The following RGS7 variants were observed in gnomAD, a reference collection of about 807,000 sequenced individuals.
The protein encoded by RGS7 is regulator of G-protein signaling 7.
Under a neutral mutation model 81.1 loss-of-function variants are expected in RGS7, and 27 were observed. The ratio of observed to expected loss-of-function variants is 0.33; its 90% CI spans 0.25 to 0.46. The LOEUF is 0.46. Among genes scored for constraint, RGS7 ranks in the 20% least tolerant of loss-of-function variants. RGS7 has a pLI of 1.00. For missense variants in RGS7, 396 were observed against 607.4 expected (o/e 0.65, Z 3.66); for synonymous variants, 208 against 207.7 (o/e 1.00, Z -0.01).
chr1:241,295,128 T>A (rs2079326292), intron 2 of RGS7, among the ~76,000 whole-genome samples: 1 of 152,202 alleles, frequency 6.6e-6, no homozygotes, highest in Non-Finnish European at 1.5e-5. Context: ...TTTCATAATT[T>A]AAAACTTGTA....
chr1:241,261,368 A>T (rs2077324052), intron 2 of RGS7, among the ~76,000 whole-genome samples: 1 of 151,992 alleles, frequency 6.6e-6, no homozygotes, highest in African/African-American at 2.4e-5. Context: ...AAATGAGGGC[A>T]ATGACACTTT....
intron 2 of RGS7, among the ~76,000 whole-genome samples, chr1:241,294,424 A>T (rs2079272169): frequency 6.6e-6 from 1 of 152,246 alleles, no homozygotes; most frequent in Non-Finnish European, 1.5e-5. Flanking sequence ...TGTATCCCAG[A>T]ACTTAAAGTA....
intron 2 of RGS7, among the ~76,000 whole-genome samples, chr1:241,229,190 T>C (rs1169525523): frequency 6.6e-6 from 1 of 152,178 alleles, no homozygotes; most frequent in Non-Finnish European, 1.5e-5. Flanking sequence ...TCATTCCAAC[T>C]TTCTGATAAA....
intron 2 of RGS7, among the ~76,000 whole-genome samples, chr1:241,178,638 T>C (rs75819387): frequency 6.6e-6 from 1 of 152,052 alleles, no homozygotes; most frequent in African/African-American, 2.4e-5. Context: ...ATAGAGAGAG[T>C]GATTAAAGCC....
At position 241,221,092 on chromosome 1, in the gene RGS7, A is replaced by AAAGG. The variant is rs141939771; in HGVS notation, c.79-122334_79-122331dup. 3.7e-3 allele frequency among the ~76,000 whole-genome samples: 510 copies of AAAGG among 138,570 alleles called. 2 individuals carry two copies. Among genetic ancestry groups the AAAGG allele is most frequent in the African/African-American group, 9.6e-3 (356 of 37,206 alleles). The allele number at this position is 138,570 out of a possible 152,430, so 90.9% of individuals were successfully genotyped here. A position where few individuals can be genotyped will look rare whatever the true frequency, so the allele number is the denominator to read the frequency against. On this transcript the variant is annotated intron_variant, in intron 2 of 18. Transcript: ENST00000440928. Reference sequence around the variant, plus strand: ...GAGAGAAAGGAAGGAAGGAAGGAAGAAAGGAAGGAAGGAAGGAAGGAAGGG... The same window carrying AAAGG: ...GAGAGAAAGGAAGGAAGGAAGGAAGAAAGGAAGGAAGGAAGGAAGGAAGGAAGGG...
intron 4 of RGS7, among the ~76,000 whole-genome samples, chr1:240,982,390 C>T (rs577642836): frequency 1.6e-4 from 23 of 143,272 alleles, no homozygotes; most frequent in African/African-American, 4.7e-4. Flanking sequence ...CCACTGCACT[C>T]CAGCCTGGGC....
intron 18 of RGS7, among the ~76,000 whole-genome samples, chr1:240,781,554 G>A (rs1437877849): frequency 6.6e-6 from 1 of 151,984 alleles, no homozygotes; most frequent in East Asian, 1.9e-4. Context: ...TTGCAGTGAG[G>A]TGAGATTGCG....
At chr1:240,859,386 T>C (rs1359862023) in intron 9 of RGS7, among the ~76,000 whole-genome samples, 1 of 151,688 alleles carries the variant, frequency 6.6e-6, no homozygotes, top group African/African-American at 2.4e-5. Flanking sequence ...CCATATATAT[T>C]ATCTATTTTC....
chr1:240,782,914 A>C (rs1199222055), intron 18 of RGS7, among the ~76,000 whole-genome samples: 1 of 152,266 alleles, frequency 6.6e-6, no homozygotes, highest in Non-Finnish European at 1.5e-5. Context: ...ATTCTAAAGG[A>C]AACAGATTAT....
chr1:240,985,171 C>G (rs1233861383), intron 3 of RGS7, among the ~76,000 whole-genome samples: 1 of 152,212 alleles, frequency 6.6e-6, no homozygotes, highest in Non-Finnish European at 1.5e-5. Flanking sequence ...CAGCTTTTCA[C>G]ATATACATGT....
In RGS7 at chr1:240,967,571, G is replaced by GC. The variant is rs1278851729; in HGVS notation, c.226+15507_226+15508insG. Reference sequence around the variant, plus strand: ...TCAAAGTGATTGTGCCAAGAAGTGGGGGGGGGGGGGAAAAGGCTGTAGCAA... The same window carrying GC: ...TCAAAGTGATTGTGCCAAGAAGTGGGCGGGGGGGGGGAAAAGGCTGTAGCAA... On this transcript the variant is annotated intron_variant, in intron 4 of 18. Coordinates refer to ENST00000440928, the MANE Select transcript of RGS7 (RefSeq NM_001364886.1). Among the ~76,000 whole-genome samples the GC allele has an allele frequency of 5.4e-5, 7 of 130,090 alleles. No individual in the cohort carries two copies. The South Asian group carries it at 1.6e-3, about 30-fold the overall frequency. The allele number at this position is 130,090 out of a possible 152,430, so 85.3% of individuals were successfully genotyped here.
intron 6 of RGS7, among the ~76,000 whole-genome samples, chr1:240,918,017 T>C (rs532227686): frequency 6.6e-6 from 1 of 152,324 alleles, no homozygotes; most frequent in South Asian, 2.1e-4. Context: ...ATTTCTTTTA[T>C]TGCATAACAA....
intron 2 of RGS7, among the ~76,000 whole-genome samples, chr1:241,101,896 C>T (rs951230105): frequency 3.8e-4 from 58 of 152,198 alleles, no homozygotes; most frequent in South Asian, 2.1e-4. Context: ...AATTTAGGTG[C>T]GTAGCTATGA....
At chr1:241,197,615 A>T (rs1325280082) in intron 2 of RGS7, among the ~76,000 whole-genome samples, 4 of 151,954 alleles carry the variant, frequency 2.6e-5, no homozygotes, top group East Asian at 1.9e-4. Flanking sequence ...AGAGATAAAG[A>T]TCACTTTCCA....
intron 4 of RGS7, among the ~76,000 whole-genome samples, chr1:240,969,724 G>T (rs1340408243): frequency 6.6e-6 from 1 of 152,228 alleles, no homozygotes; most frequent in Non-Finnish European, 1.5e-5. Flanking sequence ...AATTAGGACA[G>T]ACAGATCACC....
intron 18 of RGS7, among the ~76,000 whole-genome samples, chr1:240,782,003 A>G (rs191921534): frequency 6.7e-6 from 1 of 149,804 alleles, no homozygotes; most frequent in Non-Finnish European, 1.5e-5. Context: ...CAATAGAGTG[A>G]GACTCCGTCT....
intron 2 of RGS7, among the ~76,000 whole-genome samples, chr1:241,148,801 G>A (rs1003110960): frequency 5.3e-5 from 8 of 152,216 alleles, no homozygotes; most frequent in Admixed American, 2.0e-4. Context: ...ATGTATGTGC[G>A]TATGCACACC....
At chr1:240,815,388 G>A (rs1690637901) in intron 11 of RGS7, among the ~76,000 whole-genome samples, 1 of 151,958 alleles carries the variant, frequency 6.6e-6, no homozygotes, top group African/African-American at 2.4e-5. Context: ...GTTCATTCAT[G>A]GTGAATACCT....
At chr1:241,180,058 A>G (rs1484455410) in intron 2 of RGS7, among the ~76,000 whole-genome samples, 5 of 152,146 alleles carry the variant, frequency 3.3e-5, no homozygotes, top group Non-Finnish European at 5.9e-5. Flanking sequence ...ATGGATATGA[A>G]TCTTCAGTGG....
Sources: gnomAD v4.1 joint callset for allele counts (sites outside exome capture counted in the v4.1 genomes callset) on GRCh38, gnomAD v4.1.1 for gene constraint, MANE v1.5 for transcripts, NCBI Gene and HGNC (gene_info 2026-07-23, HGNC 2026-07-21) for gene names.